The following MYH15 variants were observed in gnomAD, a reference collection of about 807,000 sequenced individuals.
The protein encoded by MYH15 is myosin heavy chain 15, also known as myosin-15.
Under a neutral mutation model 240.5 loss-of-function variants are expected in MYH15, and 227 were observed. The ratio of observed to expected loss-of-function variants is 0.94; its 90% CI spans 0.85 to 1.05. The LOEUF (loss-of-function observed/expected upper bound fraction) is 1.05, where lower values mean the gene tolerates loss of function less well. MYH15 is among the 50% of genes least tolerant of loss of function. MYH15 has a pLI of 0.00. For synonymous variants in MYH15, 785 were observed against 796.7 expected (o/e 0.99, Z 0.25); for missense variants, 2,217 against 2,247.5 (o/e 0.99, Z 0.27).
At chr3:108,448,655 C>CATA (rs2082948534) in intron 21 of MYH15, among the ~76,000 whole-genome samples, 1 of 151,858 alleles carries the variant, frequency 6.6e-6, no homozygotes. Flanking sequence ...ATAATAAAGG[C>CATA]CATATATGAC....
At chr3:108,444,176 T>A (rs1026405282) in intron 22 of MYH15, among the ~76,000 whole-genome samples, 7 of 151,772 alleles carry the variant, frequency 4.6e-5, no homozygotes, top group Non-Finnish European at 8.8e-5. Context: ...TTAATTAATT[T>A]TTTTAAAAAA....
At chr3:108,427,598 GACACACACACACACACACAAC>G (rs141460897) in intron 27 of MYH15, among the ~76,000 whole-genome samples, 16 of 142,542 alleles carry the variant, frequency 1.1e-4, no homozygotes, top group Non-Finnish European at 1.1e-4. Context: ...AATGGACTAA[GACACACACACACACACACAAC>G]ACACACACAC....
At chr3:108,388,818 C>T (rs2107534302) in intron 38 of MYH15, 152 bp downstream of exon 38, 2 of 611,770 alleles carry the variant, frequency 3.3e-6, no homozygotes, top group Non-Finnish European at 5.6e-6. Context: ...AGCACAGGAG[C>T]TCTGGGAGGG....
rs1275560159 is a variant in MYH15, at chr3:108,441,091, A to C, written c.2825T>G (p.Leu942Trp). 9 of 1,614,140 alleles carry C rather than the reference A, an allele frequency of 5.6e-6. No homozygotes were observed. Among genetic ancestry groups the C allele is most frequent in the Non-Finnish European group, 7.6e-6 (9 of 1,180,012 alleles). The change falls in exon 23 of 41, where the codon TTG (leucine) becomes TGG (tryptophan). Residue 942 changes from leucine (L) to tryptophan (W), a missense_variant. Transcript: ENST00000693548. ...GRKLEDECFE[L>W]KKEIDDLETM... is the part of the protein sequence containing the mutation. Reference sequence around the variant, plus strand: ...TTCCAGGTCATCGATTTCTTTCTTCAACTCAAAACATTCATCTTCGAGTTT... The same window carrying C: ...TTCCAGGTCATCGATTTCTTTCTTCCACTCAAAACATTCATCTTCGAGTTT...
chr3:108,421,076 A>AT lies in MYH15; in HGVS notation c.3829+11dup. ...GAGAATTGCCTATGAGTCAAGCAGC[A>AT]TACTTACTTACCACTCTCACTCCAC... On this transcript the variant is annotated intron_variant, in intron 28 of 40. Transcript: ENST00000693548. 6.2e-7 allele frequency: 1 copy of AT among 1,613,872 alleles called. No individual in the cohort carries two copies. Among genetic ancestry groups the AT allele is most frequent in the Non-Finnish European group, 8.5e-7 (1 of 1,179,854 alleles).
chr3:108,400,303 A>G lies in MYH15; in HGVS notation c.4737-1036T>C, dbSNP rs138546367. Among the ~76,000 whole-genome samples the G allele has an allele frequency of 5.9e-5, 9 of 152,250 alleles. No individual in the cohort carries two copies. The East Asian group carries it at 1.7e-3, about 29-fold the overall frequency. On this transcript the variant is annotated intron_variant, in intron 33 of 40. Transcript: ENST00000693548. ...CTTCTATTTGTTTTAAGTCACCAAG[A>G]TTTGGTGATTGTTAGGACAGTTTAA...
intron 28 of MYH15, among the ~76,000 whole-genome samples, chr3:108,420,082 A>G (rs1200102461): frequency 6.6e-6 from 1 of 152,196 alleles, no homozygotes; most frequent in Non-Finnish European, 1.5e-5. Flanking sequence ...TAAATTGAAA[A>G]AGAAAAACCC....
At chr3:108,419,969 G>T (rs1306407671) in intron 28 of MYH15, among the ~76,000 whole-genome samples, 1 of 152,286 alleles carries the variant, frequency 6.6e-6, no homozygotes, top group Non-Finnish European at 1.5e-5. Flanking sequence ...ATTCATAGCA[G>T]AGAGGCAAGT....
rs1174248124 is a variant in MYH15 at position 108,470,743 on chromosome 3, C to A, written c.1338G>T (p.Gln446His). ...NRALDAKLSR[Q>H]FFIGILDITG... Reference sequence around the variant, plus strand: ...TGATGTCAAGAATGCCAATGAAGAACTGCCTTGACAGCTTGGCATCCAGGG... The same window carrying A: ...TGATGTCAAGAATGCCAATGAAGAAATGCCTTGACAGCTTGGCATCCAGGG... Residue 446 changes from glutamine to histidine, a missense_variant, in exon 13 of 41, where the codon CAG becomes CAT. Physicochemically the swap from Gln to His is conservative, Grantham distance 24. Transcript: ENST00000693548. 19 of 1,613,740 alleles carry A rather than the reference C, an allele frequency of 1.2e-5. No homozygotes were observed. Among genetic ancestry groups the A allele is most frequent in the Non-Finnish European group, 1.6e-5 (19 of 1,179,872 alleles).
chr3:108,529,228 A>T, intron 1 of MYH15: 4 of 1,591,444 alleles, frequency 2.5e-6, no homozygotes, highest in Non-Finnish European at 3.4e-6. Context: ...GCATTCTGTT[A>T]GACAAATTAA....
intron 38 of MYH15, among the ~76,000 whole-genome samples, chr3:108,386,318 T>C (rs575171462): frequency 7.4e-4 from 112 of 152,306 alleles, no homozygotes; most frequent in African/African-American, 2.1e-3. Flanking sequence ...ATCTCAGCTC[T>C]AGGGCATTGA....
intron 37 of MYH15, among the ~76,000 whole-genome samples, chr3:108,389,582 A>C (rs1413955735): frequency 6.6e-6 from 1 of 152,190 alleles, no homozygotes; most frequent in Non-Finnish European, 1.5e-5. Context: ...ACATTCATTC[A>C]ATGCAGGTGC....
intron 39 of MYH15, 103 bp downstream of exon 39, chr3:108,384,583 AG>A: frequency 1.0e-6 from 1 of 999,502 alleles, no homozygotes; most frequent in Middle Eastern, 3.1e-4. Context: ...TAAGCTGAGC[AG>A]GTCCTCTCTG....
intron 36 of MYH15, among the ~76,000 whole-genome samples, chr3:108,393,181 G>T (rs2082433201): frequency 6.6e-6 from 1 of 152,190 alleles, no homozygotes; most frequent in Non-Finnish European, 1.5e-5. Context: ...AGGGGAATCT[G>T]CTTCCCTTCA....
intron 27 of MYH15, among the ~76,000 whole-genome samples, chr3:108,425,957 A>T (rs2082721946): frequency 1.3e-5 from 2 of 152,226 alleles, no homozygotes; most frequent in East Asian, 3.9e-4. Context: ...ACAAAATGCC[A>T]AAGAACTTGG....
intron 1 of MYH15, among the ~76,000 whole-genome samples, chr3:108,527,956 T>C (rs1373266598): frequency 6.6e-6 from 1 of 152,170 alleles, no homozygotes; most frequent in Non-Finnish European, 1.5e-5. Flanking sequence ...GGAGTCTGTA[T>C]CTGGTGAGGG....
intron 5 of MYH15, 91 bp downstream of exon 5, chr3:108,499,364 C>A: frequency 3.1e-6 from 4 of 1,301,734 alleles, no homozygotes; most frequent in Non-Finnish European, 3.3e-6. Context: ...TCAAAGATGG[C>A]GAATCAAAGT....
intron 25 of MYH15, among the ~76,000 whole-genome samples, chr3:108,434,363 G>A (rs2082812735): frequency 1.3e-5 from 2 of 151,418 alleles, no homozygotes; most frequent in African/African-American, 4.8e-5. Context: ...TGTATTTTTA[G>A]TAGAGACAGG....
intron 27 of MYH15, among the ~76,000 whole-genome samples, chr3:108,422,320 C>T (rs575616655): frequency 1.3e-5 from 2 of 151,584 alleles, no homozygotes; most frequent in South Asian, 2.1e-4. Context: ...CAGGTTCAAG[C>T]GATTCTCCTG....
Sources: allele counts gnomAD v4.1 joint callset (sites outside exome capture counted in the v4.1 genomes callset), GRCh38; gene constraint gnomAD v4.1.1; transcripts MANE v1.5; gene names NCBI Gene and HGNC (gene_info 2026-07-23, HGNC 2026-07-21).